Variants in SEZ6L2 observed in about 807,000 individuals in gnomAD.
The protein encoded by SEZ6L2 is seizure related 6 homolog like 2.
Under a neutral mutation model 97.0 loss-of-function variants are expected in SEZ6L2, and 44 were observed. The observed-to-expected ratio is 0.45, with a 90% CI of 0.36 to 0.58. SEZ6L2 has a LOEUF of 0.58. Among genes scored for constraint, SEZ6L2 ranks in the 20% least tolerant of loss-of-function variants. The pLI, the probability that SEZ6L2 is intolerant of heterozygous loss-of-function variation, is 0.00. For missense variants in SEZ6L2, 1,086 were observed against 1,233.3 expected (o/e 0.88, Z 1.79); for synonymous variants, 543 against 546.1 (o/e 0.99, Z 0.08).
intron 9 of SEZ6L2, among the ~76,000 whole-genome samples, chr16:29,878,793 G>C (rs1417456928): frequency 6.9e-6 from 1 of 144,688 alleles, no homozygotes. Context: ...TTTTAGTAGA[G>C]ACGGGGTTTT....
At chr16:29,897,767 C>T in intron 2 of SEZ6L2, 86 bp downstream of exon 2, 2 of 1,445,850 alleles carry the variant, frequency 1.4e-6, no homozygotes, top group Non-Finnish European at 1.8e-6. Flanking sequence ...TCTCTGCCTG[C>T]TCTTCTCTAG....
At position 29,895,384 on chromosome 16, in the gene SEZ6L2, C is replaced by CG. The variant is rs766468782; in HGVS notation, c.727dup (p.Arg243ProfsTer75). ...AAGCATGGATGAGTTGGCCAGGAGT[C>CG]GGGGGGCCAGGCCTGGGGATCCCCC... On this transcript the variant is annotated frameshift_variant, in exon 5 of 18. Coordinates refer to ENST00000617533, the MANE Select transcript of SEZ6L2 (RefSeq NM_001243332.2). LOFTEE classifies it high-confidence loss of function. 1 of 1,613,990 alleles carries CG rather than the reference C, an allele frequency of 6.2e-7. No individual in the cohort carries two copies.
chr16:29,895,917 C>A (rs1268119728), intron 3 of SEZ6L2, 57 bp from the exon 4 acceptor site: 1 of 1,539,768 alleles, frequency 6.5e-7, no homozygotes, highest in East Asian at 2.3e-5. Flanking sequence ...GCCCTCCCAG[C>A]CAAGCAACTC....
chr16:29,893,647 CA>C (rs1313483790), intron 5 of SEZ6L2, among the ~76,000 whole-genome samples: 6,816 of 80,832 alleles, frequency 0.084, 361 homozygotes, highest in African/African-American at 0.23. Flanking sequence ...GACTCTGTCT[CA>C]AAAAAAAAAA....
At position 29,896,957 on chromosome 16, in the gene SEZ6L2, G is replaced by A; in HGVS notation, c.376C>T (p.Pro126Ser). The change falls in exon 3 of 18, where the codon CCC becomes TCC. Residue 126 changes from proline to serine, a missense_variant. Pro to Ser is a moderately conservative substitution (Grantham distance 74, BLOSUM62 -1). Coordinates refer to ENST00000617533, the MANE Select transcript of SEZ6L2 (RefSeq NM_001243332.2). ...GGGGGTGGGGCTGTGGTTCCTGGGG[G>A]CGGGGTCAGCAGTTCTGGCGCAGTG... is the stretch of plus-strand genomic sequence containing the variant. Reference protein sequence around the residue: ...GPTAPELLTPPPGTTAPPPPS... With the variant: ...GPTAPELLTPSPGTTAPPPPS... The A allele has an allele frequency of 6.3e-7, 1 of 1,596,274 alleles. No individual in the cohort carries two copies. The highest frequency in any genetic ancestry group is 8.5e-7 in the Non-Finnish European group (1 of 1,172,760).
intron 6 of SEZ6L2, 58 bp from the exon 7 acceptor site, chr16:29,887,875 G>A (rs1267171333): frequency 1.2e-5 from 19 of 1,575,230 alleles, no homozygotes; most frequent in South Asian, 4.5e-5. Context: ...CCTTCTCCTC[G>A]GGGCCTCGGC....
chr16:29,895,234 C>T (rs777888587), intron 5 of SEZ6L2, 25 bp downstream of exon 5: 7 of 1,592,772 alleles, frequency 4.4e-6, no homozygotes, highest in Non-Finnish European at 5.2e-6. Context: ...CCCTGCCCTT[C>T]CAGCAGCACC....
intron 3 of SEZ6L2, 74 bp from the exon 4 acceptor site, chr16:29,895,934 T>C: frequency 6.9e-7 from 1 of 1,448,178 alleles, no homozygotes. Flanking sequence ...ACTCTGGCCT[T>C]CATCTCCCTT....
intron 9 of SEZ6L2, 109 bp from the exon 10 acceptor site, chr16:29,878,534 C>T (rs2150786268): frequency 1.3e-6 from 1 of 785,040 alleles, no homozygotes; most frequent in East Asian, 3.2e-5. Context: ...CGCTTGTTTC[C>T]TATTACCTAT....
intron 8 of SEZ6L2, 52 bp downstream of exon 8, chr16:29,885,534 G>A: frequency 6.3e-7 from 1 of 1,578,324 alleles, no homozygotes; most frequent in Non-Finnish European, 8.7e-7. Flanking sequence ...TTGGTGTCAG[G>A]AAGAGGGGAA....
chr16:29,878,089 T>G (rs544607992), intron 10 of SEZ6L2, among the ~76,000 whole-genome samples, 198 bp downstream of exon 10: 1 of 152,334 alleles, frequency 6.6e-6, no homozygotes, highest in Admixed American at 6.5e-5. Context: ...TATTTATTTG[T>G]CCGAGGTTGC....
At chr16:29,884,720 C>A (rs1003617328) in intron 8 of SEZ6L2, among the ~76,000 whole-genome samples, 1 of 150,834 alleles carries the variant, frequency 6.6e-6, no homozygotes. Flanking sequence ...TCCAGACCAG[C>A]CTGACCAACG....
intron 5 of SEZ6L2, among the ~76,000 whole-genome samples, chr16:29,889,080 C>CAGGT (rs112799498): frequency 6.6e-6 from 1 of 151,602 alleles, no homozygotes; most frequent in Non-Finnish European, 1.5e-5. Context: ...GCTGTAATAA[C>CAGGT]AGTATTTGCA....
chr16:29,877,976 GTGGAAAT>G, intron 10 of SEZ6L2, among the ~76,000 whole-genome samples: 1 of 152,346 alleles, frequency 6.6e-6, no homozygotes, highest in South Asian at 2.1e-4. Context: ...GTCTGTGTCC[GTGGAAAT>G]AGCTCCAGGG....
Position 29,897,094 on chromosome 16 carries a change from G to A in SEZ6L2, c.239C>T (p.Thr80Ile). ...PGSDRDPTLA[T>I]PPAGQTLAVP... ...TGCGAGAGTCTGGCCGGCCGGAGGG[G>A]TGGCTAGCGTGGGGTCCCGATCAGA... Residue 80 changes from threonine to isoleucine, a missense_variant, in exon 3 of 18, where the codon ACC (threonine) becomes ATC (isoleucine). Thr to Ile is a moderately conservative substitution (Grantham distance 89). Transcript: ENST00000617533. The A allele has an allele frequency of 6.3e-7, 1 of 1,579,520 alleles. No individual in the cohort carries two copies. Among genetic ancestry groups the A allele is most frequent in the Non-Finnish European group, 8.5e-7 (1 of 1,170,292 alleles).
At chr16:29,883,213 T>C (rs1017421910) in intron 8 of SEZ6L2, among the ~76,000 whole-genome samples, 1 of 152,206 alleles carries the variant, frequency 6.6e-6, no homozygotes, top group Non-Finnish European at 1.5e-5. Flanking sequence ...TTTATACAAC[T>C]CCTCTGTTTC....
intron 8 of SEZ6L2, among the ~76,000 whole-genome samples, chr16:29,883,389 CT>C (rs2068068104): frequency 6.6e-6 from 1 of 152,104 alleles, no homozygotes; most frequent in Non-Finnish European, 1.5e-5. Flanking sequence ...TCACTGCAAC[CT>C]CTGGGGTTCA....
At position 29,876,903 on chromosome 16, in the gene SEZ6L2, C is replaced by G. The variant is rs2150783416; in HGVS notation, c.1957G>C (p.Gly653Arg). 1 of 1,613,260 alleles carries G rather than the reference C, an allele frequency of 6.2e-7. No individual in the cohort carries two copies. The highest frequency in any genetic ancestry group is 8.5e-7 in the Non-Finnish European group (1 of 1,179,550). The part of the protein sequence containing the change: ...TCPELPPPEW[G>R]WRTASHGDLI... ...TCCCCGTGGGATGCCGTTCTCCAGC[C>G]CCACTCCGGAGGTGGCAGCTCGGGG... Residue 653 changes from glycine to arginine, a missense_variant, in exon 12 of 18, where the codon GGC becomes CGC. Around this residue, in one of 2 missense-constraint regions of SEZ6L2, gnomAD observed 310 missense variants for 438.6 expected, o/e 0.71. Coordinates refer to ENST00000617533, the MANE Select transcript of SEZ6L2 (RefSeq NM_001243332.2). This position sits in a 1 kb window ranked among gnomAD's most constrained non-coding sequence, Gnocchi z 6.5.
chr16:29,872,010 C>T (rs1032790839), intron 17 of SEZ6L2, among the ~76,000 whole-genome samples, 177 bp downstream of exon 17: 1 of 152,146 alleles, frequency 6.6e-6, no homozygotes, highest in Admixed American at 6.6e-5. Context: ...CTCCACTTAG[C>T]CACAGTCCTC....
Sources: allele counts gnomAD v4.1 joint callset (sites outside exome capture counted in the v4.1 genomes callset), GRCh38; gene constraint gnomAD v4.1.1; regional missense constraint gnomAD v4.1.1; non-coding constraint Gnocchi (gnomAD v3.1); transcripts MANE v1.5; gene names NCBI Gene and HGNC (gene_info 2026-07-23, HGNC 2026-07-21).